Variants in NR3C2 observed in about 807,000 individuals in gnomAD.
NR3C2 encodes mineralocorticoid receptor.
In NR3C2, 15 loss-of-function variants were observed where a neutral mutation model predicts 86.4. That is an observed-to-expected ratio of 0.17 (90% CI 0.12 to 0.27). The LOEUF (loss-of-function observed/expected upper bound fraction) is 0.27, where lower values mean the gene tolerates loss of function less well. Ranked by LOEUF, NR3C2 falls within the 10% of genes least tolerant of loss-of-function variation. The probability of loss-of-function intolerance (pLI) is 1.00; values close to 1 mark genes in which losing one functional copy is unlikely to be tolerated. For missense variants in NR3C2, 960 were observed against 1,195.6 expected (o/e 0.80, Z 2.91); for synonymous variants, 458 against 450.5 (o/e 1.02, Z -0.21).
intron 7 of NR3C2, among the ~76,000 whole-genome samples, chr4:148,119,280 C>T (rs1375327728): frequency 1.3e-5 from 2 of 152,130 alleles, no homozygotes; most frequent in Non-Finnish European, 2.9e-5. Flanking sequence ...TTGTTACTGC[C>T]TATATAGACT....
chr4:148,389,308 T>C (rs1172098790), intron 2 of NR3C2, among the ~76,000 whole-genome samples: 1 of 152,100 alleles, frequency 6.6e-6, no homozygotes, highest in African/African-American at 2.4e-5. Context: ...GGCCTACCTG[T>C]GTAGGAATAG....
chr4:148,332,953 GAC>G (rs1349013558), intron 2 of NR3C2, among the ~76,000 whole-genome samples: 1 of 152,038 alleles, frequency 6.6e-6, no homozygotes, highest in Non-Finnish European at 1.5e-5. Context: ...AAAATAACAA[GAC>G]ACACACTCTG....
chr4:148,126,556 C>T (rs1328645817), intron 6 of NR3C2, among the ~76,000 whole-genome samples: 3 of 152,294 alleles, frequency 2.0e-5, no homozygotes, highest in Admixed American at 1.3e-4. Context: ...GGAACACCTC[C>T]ATGTCAGAGT....
chr4:148,412,058 T>G (rs1245959819), intron 2 of NR3C2, among the ~76,000 whole-genome samples: 2 of 152,158 alleles, frequency 1.3e-5, no homozygotes, highest in Non-Finnish European at 2.9e-5. Context: ...GCCAAGCTAC[T>G]CACCCTCTCA....
At chr4:148,267,949 T>C (rs1487594885) in intron 2 of NR3C2, among the ~76,000 whole-genome samples, 2 of 150,608 alleles carry the variant, frequency 1.3e-5, no homozygotes, top group African/African-American at 4.9e-5. Flanking sequence ...GTTTTTTTTT[T>C]TTTTTTTTGA....
In NR3C2 at chr4:148,395,004, G is replaced by A. The variant is rs190485420; in HGVS notation, c.1757+40100C>T. ...AGTGGGGGAAACAGTCCAGGATTTG[G>A]TGGGTTGGAAATAAACCTCTCTCTC... On this transcript the variant is annotated intron_variant, in intron 2 of 8. Coordinates refer to ENST00000358102, the MANE Select transcript of NR3C2 (RefSeq NM_000901.5). 8.7e-4 allele frequency among the ~76,000 whole-genome samples: 133 copies of A among 152,206 alleles called. 1 individual carries two copies. Among genetic ancestry groups the A allele is most frequent in the African/African-American group, 3.0e-3 (125 of 41,552 alleles).
intron 6 of NR3C2, among the ~76,000 whole-genome samples, chr4:148,133,551 G>C (rs1012216478): frequency 2.6e-5 from 4 of 152,180 alleles, no homozygotes; most frequent in African/African-American, 9.7e-5. Context: ...TATTGTTTGG[G>C]TAAAGGGTGA....
At chr4:148,278,810 TAA>T (rs1741090439) in intron 2 of NR3C2, among the ~76,000 whole-genome samples, 1 of 151,616 alleles carries the variant, frequency 6.6e-6, no homozygotes, top group African/African-American at 2.4e-5. Flanking sequence ...CACTACTAGG[TAA>T]AGAGACAAAG....
At chr4:148,128,742 T>C (rs1423355118) in intron 6 of NR3C2, among the ~76,000 whole-genome samples, 1 of 152,172 alleles carries the variant, frequency 6.6e-6, no homozygotes, top group Non-Finnish European at 1.5e-5. Context: ...ACCACTCAAC[T>C]CCTTAATGGT....
intron 2 of NR3C2, among the ~76,000 whole-genome samples, chr4:148,376,605 C>T (rs1187193632): frequency 6.6e-6 from 1 of 152,130 alleles, no homozygotes; most frequent in Non-Finnish European, 1.5e-5. Flanking sequence ...AAAATGCAAC[C>T]TATCTATTAA....
chr4:148,100,094 T>C (rs540315173), intron 8 of NR3C2, among the ~76,000 whole-genome samples: 4 of 152,224 alleles, frequency 2.6e-5, no homozygotes, highest in East Asian at 1.9e-4. Flanking sequence ...CTGTGAAATA[T>C]CAATGATGAA....
chr4:148,176,762 T>C (rs1162181742), intron 4 of NR3C2, among the ~76,000 whole-genome samples: 1 of 152,232 alleles, frequency 6.6e-6, no homozygotes, highest in Non-Finnish European at 1.5e-5. Context: ...ATGCCTGGCA[T>C]GTCAGAGGCA....
chr4:148,110,088 A>G (rs746424327), intron 8 of NR3C2, among the ~76,000 whole-genome samples: 28 of 152,220 alleles, frequency 1.8e-4, no homozygotes, highest in African/African-American at 1.2e-4. Context: ...AACATTTACA[A>G]TGCAAAACTA....
intron 3 of NR3C2, among the ~76,000 whole-genome samples, chr4:148,238,769 C>G (rs780109012): frequency 4.6e-5 from 7 of 152,134 alleles, no homozygotes; most frequent in Admixed American, 1.3e-4. Flanking sequence ...TAGAGTCCCT[C>G]TCTGCTTTCA....
At chr4:148,279,971 T>G (rs1741154646) in intron 2 of NR3C2, among the ~76,000 whole-genome samples, 2 of 152,154 alleles carry the variant, frequency 1.3e-5, no homozygotes, top group Non-Finnish European at 2.9e-5. Flanking sequence ...GTGATGCACC[T>G]GCCTCGGCCT....
intron 3 of NR3C2, among the ~76,000 whole-genome samples, chr4:148,205,205 T>C (rs1736942701): frequency 6.6e-6 from 1 of 152,216 alleles, no homozygotes; most frequent in African/African-American, 2.4e-5. Context: ...GACAACTGAA[T>C]CATAAACTTC....
At chr4:148,276,390 T>A (rs995978943) in intron 2 of NR3C2, among the ~76,000 whole-genome samples, 2 of 152,166 alleles carry the variant, frequency 1.3e-5, no homozygotes, top group African/African-American at 4.8e-5. Flanking sequence ...ATTTTACAGA[T>A]CTTGATGTAG....
rs189192334 is a variant in NR3C2, at chr4:148,272,705, C to T, written c.1758-12588G>A. ...TGCCTAACACTCTTAAAAGCAATTA[C>T]GGATGTTTTTTTCAGAAGTTTTTAA... is the stretch of plus-strand genomic sequence containing the variant. On this transcript the variant is annotated intron_variant, in intron 2 of 8. Coordinates refer to ENST00000358102, the MANE Select transcript of NR3C2 (RefSeq NM_000901.5). 1.4e-4 allele frequency among the ~76,000 whole-genome samples: 22 copies of T among 152,098 alleles called. No individual in the cohort carries two copies. In the South Asian group the frequency reaches 1.9e-3, roughly 13 times the overall value.
intron 6 of NR3C2, among the ~76,000 whole-genome samples, chr4:148,122,617 G>T (rs2149735522): frequency 6.6e-6 from 1 of 152,144 alleles, no homozygotes; most frequent in South Asian, 2.1e-4. Context: ...GATTGACCTA[G>T]CTTTTTAGCC....
Sources: gnomAD v4.1 joint callset for allele counts (sites outside exome capture counted in the v4.1 genomes callset) on GRCh38, gnomAD v4.1.1 for gene constraint, MANE v1.5 for transcripts, NCBI Gene and HGNC (gene_info 2026-07-23, HGNC 2026-07-21) for gene names.